Variants in IGSF9B observed in about 807,000 individuals in gnomAD.
IGSF9B encodes the protein protein turtle homolog B.
IGSF9B carries 48 observed loss-of-function variants against 143.7 expected under a neutral mutation model. That is an observed-to-expected ratio of 0.33 (90% confidence interval 0.26 to 0.42). The LOEUF (loss-of-function observed/expected upper bound fraction) is 0.42, where lower values mean the gene tolerates loss of function less well. Among genes scored for constraint, IGSF9B ranks in the 20% least tolerant of loss-of-function variants. The pLI is 1.00. For synonymous variants in IGSF9B, 903 were observed against 833.1 expected, an observed-to-expected ratio of 1.08 and a Z score of -1.44; for missense variants, 1,706 against 1,980.0, an observed-to-expected ratio of 0.86 and a Z score of 2.63.
At chr11:133,942,582 A>T (rs1939971141) in intron 3 of IGSF9B, among the ~76,000 whole-genome samples, 1 of 152,234 alleles carries the variant, frequency 6.6e-6, no homozygotes, top group Non-Finnish European at 1.5e-5. Flanking sequence ...AGGATGATGC[A>T]AAAGAACGGA....
rs1157425268 is a variant in IGSF9B, at chr11:133,906,459, C to G, written c.*2610G>C. On this transcript the variant is annotated 3_prime_UTR_variant, in exon 20 of 20. Transcript: ENST00000533871. ...GGCAGACCTGACGTCCTTGCCCTAGCCAGGGAAGCCACAGCACAGCAGCCA... is the reference window on the plus strand; with the variant it reads ...GGCAGACCTGACGTCCTTGCCCTAGGCAGGGAAGCCACAGCACAGCAGCCA... 1.3e-5 allele frequency among the ~76,000 whole-genome samples: 2 copies of G among 152,218 alleles called. No individual in the cohort carries two copies. Among genetic ancestry groups the G allele is most frequent in the African/African-American group, 4.8e-5 (2 of 41,454 alleles).
At position 133,944,372 on chromosome 11, in the gene IGSF9B, G is replaced by A; in HGVS notation, c.263-6C>T. 2 of 1,612,904 alleles carry A rather than the reference G, an allele frequency of 1.2e-6. No individual in the cohort carries two copies. The highest frequency in any genetic ancestry group is 1.7e-6 in the Non-Finnish European group (2 of 1,179,784). On this transcript the variant is annotated splice_polypyrimidine_tract_variant and splice_region_variant and intron_variant, in intron 2 of 19. Transcript: ENST00000533871. Reference sequence around the variant, plus strand: ...ATCATGAAGACTGGCCCGGCCTGGGGGAATAGAGCAGACAAAAGCCCCACA... The same window carrying A: ...ATCATGAAGACTGGCCCGGCCTGGGAGAATAGAGCAGACAAAAGCCCCACA...
chr11:133,925,949 A>G lies in IGSF9B; in HGVS notation c.1824T>C (p.Thr608=), dbSNP rs1939617263. 17 of 1,602,628 alleles carry G rather than the reference A, an allele frequency of 1.1e-5. No homozygotes were observed. The East Asian group carries it at 3.8e-4, about 36-fold the overall frequency. The change falls in exon 14 of 20, where the codon ACT becomes ACC. Residue 608 remains threonine, a synonymous_variant. Coordinates refer to ENST00000533871, the MANE Select transcript of IGSF9B (RefSeq NM_001277285.4). ...GGGTGACCAGCACCAGGGGTTCTGG[A>G]GTTGTAATAGGGAATGCTGCGGCGG... ...TVNTLAFPIT[T]PEPLVLVTPP...
At chr11:133,952,858 G>A (rs995189633) in intron 1 of IGSF9B, among the ~76,000 whole-genome samples, 4 of 152,096 alleles carry the variant, frequency 2.6e-5, no homozygotes, top group Admixed American at 2.6e-4. Context: ...GCAGCTCTTT[G>A]ACCATTCAGA....
intron 15 of IGSF9B, 110 bp downstream of exon 15, chr11:133,924,710 A>T: frequency 1.1e-6 from 1 of 891,066 alleles, no homozygotes; most frequent in Non-Finnish European, 1.8e-6. Context: ...GCACTGCCTT[A>T]GTTTCCAATC....
chr11:133,930,517 A>G (rs528472369), intron 11 of IGSF9B, among the ~76,000 whole-genome samples: 1 of 152,302 alleles, frequency 6.6e-6, no homozygotes, highest in South Asian at 2.1e-4. Context: ...GCTTCGGGCA[A>G]TCGGAAACGG....
rs1435312293 is a variant in IGSF9B at position 133,920,463 on chromosome 11, G to A, written c.3262C>T (p.Pro1088Ser). The A allele has an allele frequency of 6.4e-7, 1 of 1,565,816 alleles. No individual in the cohort carries two copies. Among genetic ancestry groups the A allele is most frequent in the African/African-American group, 1.4e-5 (1 of 73,690 alleles). Reference protein sequence around the residue: ...RGLPPTSLQVPAAYPGILSLE... With the variant: ...RGLPPTSLQVSAAYPGILSLE... ...GACAGGATGCCCGGGTAGGCCGCGGGCACCTGCAGGGAGGTGGGGGGCAGT... is the reference window on the plus strand; with the variant it reads ...GACAGGATGCCCGGGTAGGCCGCGGACACCTGCAGGGAGGTGGGGGGCAGT... The change falls in exon 18 of 20, where the codon CCC becomes TCC. Residue 1088 changes from proline to serine, a missense_variant. By Grantham distance (74) the Pro-to-Ser change is moderately conservative. This residue lies in a region of IGSF9B where 880 missense variants were observed against 762.9 expected (regional missense o/e 1.15). Transcript: ENST00000533871.
intron 3 of IGSF9B, among the ~76,000 whole-genome samples, chr11:133,942,833 TTCAA>T (rs997220148): frequency 1.5e-4 from 23 of 152,310 alleles, no homozygotes; most frequent in African/African-American, 5.5e-4. Flanking sequence ...TCAAATATGC[TTCAA>T]TCAGTCTCTT....
At position 133,905,929 on chromosome 11, in the gene IGSF9B, C is replaced by T. The variant is rs527558428; in HGVS notation, c.*3140G>A. Among the ~76,000 whole-genome samples, 1 of 152,254 alleles carries T rather than the reference C, an allele frequency of 6.6e-6. No individual in the cohort carries two copies. The highest frequency in any genetic ancestry group is 1.5e-5 in the Non-Finnish European group (1 of 68,040). Reference sequence around the variant, plus strand: ...CACGCAAATGCAGTTGTCCAGGCCCCGCTAAGAACCGTTTTCCCCTCTTCC... The same window carrying T: ...CACGCAAATGCAGTTGTCCAGGCCCTGCTAAGAACCGTTTTCCCCTCTTCC... On this transcript the variant is annotated 3_prime_UTR_variant, in exon 20 of 20. Coordinates refer to ENST00000533871, the MANE Select transcript of IGSF9B (RefSeq NM_001277285.4). This position sits in a 1 kb window ranked among gnomAD's most constrained non-coding sequence, Gnocchi z 4.0.
intron 11 of IGSF9B, 69 bp downstream of exon 11, chr11:133,930,915 G>T (rs190012134): frequency 2.0e-6 from 3 of 1,470,366 alleles, no homozygotes; most frequent in Non-Finnish European, 2.7e-6. Context: ...CGCTCCCAGC[G>T]TCCAGCACCC....
chr11:133,947,708 T>TTCCCTCTC (rs1555098680), intron 1 of IGSF9B, among the ~76,000 whole-genome samples: 1 of 134,800 alleles, frequency 7.4e-6, no homozygotes, highest in South Asian at 2.7e-4. Flanking sequence ...TCTGTGTTTG[T>TTCCCTCTC]TCTCTCTCTC....
chr11:133,927,389 C>T (rs1939647421), intron 12 of IGSF9B, among the ~76,000 whole-genome samples: 1 of 152,220 alleles, frequency 6.6e-6, no homozygotes, highest in Non-Finnish European at 1.5e-5. Flanking sequence ...GTGGGAGAAT[C>T]CCACCCTGGT....
At position 133,920,835 on chromosome 11, in the gene IGSF9B, C is replaced by G; in HGVS notation, c.2890G>C (p.Gly964Arg). The G allele has an allele frequency of 6.2e-7, 1 of 1,601,600 alleles. No homozygotes were observed. The highest frequency in any genetic ancestry group is 1.1e-5 in the South Asian group (1 of 89,738). Reference sequence around the variant, plus strand: ...CTGCTGAGGTACCCATAATACTGGCCATGGTGGAAGGGCCGGGGGGCAGGG... The same window carrying G: ...CTGCTGAGGTACCCATAATACTGGCGATGGTGGAAGGGCCGGGGGGCAGGG... ...RPPAPRPFHH[G>R]QYYGYLSSSS... The change falls in exon 18 of 20, where the codon GGC becomes CGC. Residue 964 changes from glycine to arginine, a missense_variant. Gly to Arg is a moderately radical substitution (Grantham distance 125, BLOSUM62 -2). This residue lies in a region of IGSF9B where 880 missense variants were observed against 762.9 expected (regional missense o/e 1.15). Coordinates refer to ENST00000533871, the MANE Select transcript of IGSF9B (RefSeq NM_001277285.4).
rs370929521 is a variant in IGSF9B at position 133,910,092 on chromosome 11, T to C, written c.4106-815A>G. On this transcript the variant is annotated intron_variant, in intron 19 of 19. Coordinates refer to ENST00000533871, the MANE Select transcript of IGSF9B (RefSeq NM_001277285.4). ...GGAGGTCATCTCAGTTGGAAAAGAG[T>C]GAGGCAAGAAAGACAGGCAGGGCAT... Among the ~76,000 whole-genome samples the C allele has an allele frequency of 8.6e-5, 13 of 151,802 alleles. No individual in the cohort carries two copies. In the East Asian group the frequency reaches 1.5e-3, roughly 18 times the overall value.
At chr11:133,911,020 C>T (rs1455793165) in intron 19 of IGSF9B, among the ~76,000 whole-genome samples, 14 of 152,104 alleles carry the variant, frequency 9.2e-5, no homozygotes, top group Admixed American at 9.2e-4. Context: ...CACCGTCTCC[C>T]AGAGATTCAT....
chr11:133,939,187 T>C (rs914086491), intron 3 of IGSF9B, among the ~76,000 whole-genome samples: 3 of 152,242 alleles, frequency 2.0e-5, no homozygotes, highest in Admixed American at 6.5e-5. Flanking sequence ...GCCCTTTGCA[T>C]GTGTGGCTCT....
intron 7 of IGSF9B, among the ~76,000 whole-genome samples, chr11:133,932,434 C>T (rs989034134): frequency 7.3e-6 from 1 of 136,696 alleles, no homozygotes; most frequent in Admixed American, 7.4e-5. Flanking sequence ...CAGACAGATA[C>T]AGGGACAGAC....
intron 7 of IGSF9B, among the ~76,000 whole-genome samples, chr11:133,933,780 C>A (rs1939774974): frequency 6.6e-6 from 1 of 152,126 alleles, no homozygotes. Flanking sequence ...ACACCTCTTG[C>A]AATGCGGGCT....
rs1392613077 is a variant in IGSF9B at position 133,913,623 on chromosome 11, C to T, written c.3984-1616G>A. ...GAGCTAAGAAGGCTACACAGGGTCC[C>T]TCAGGTGCACACACAGGCACACACA... is the stretch of plus-strand genomic sequence containing the variant. On this transcript the variant is annotated intron_variant, in intron 18 of 19. Coordinates refer to ENST00000533871, the MANE Select transcript of IGSF9B (RefSeq NM_001277285.4). The surrounding 1 kb of genome is among the most constrained non-coding windows in gnomAD (Gnocchi z 4.6). Among the ~76,000 whole-genome samples, 1 of 152,188 alleles carries T rather than the reference C, an allele frequency of 6.6e-6. No individual in the cohort carries two copies. The highest frequency in any genetic ancestry group is 2.4e-5 in the African/African-American group (1 of 41,442).
Sources: gnomAD v4.1 joint callset for allele counts (sites outside exome capture counted in the v4.1 genomes callset) on GRCh38, gnomAD v4.1.1 for gene constraint, gnomAD v4.1.1 regional missense constraint, Gnocchi (gnomAD v3.1) non-coding constraint, MANE v1.5 for transcripts, NCBI Gene and HGNC (gene_info 2026-07-23, HGNC 2026-07-21) for gene names.